NLRP5: variants seen among roughly 807,000 people sequenced by gnomAD.
NLRP5 encodes the protein NACHT, LRR and PYD domains-containing protein 5.
NLRP5 carries 93 observed loss-of-function variants against 113.1 expected under a neutral mutation model. That is an observed-to-expected ratio of 0.82 (90% CI 0.70 to 0.98). NLRP5 has a LOEUF of 0.98. Ranked by LOEUF, NLRP5 falls within the 50% of genes least tolerant of loss-of-function variation. The pLI, the probability that NLRP5 is intolerant of heterozygous loss-of-function variation, is 0.00. For synonymous variants in NLRP5, 751 were observed against 600.7 expected, an observed-to-expected ratio of 1.25 and a Z score of -3.66; for missense variants, 1,808 against 1,514.3, an observed-to-expected ratio of 1.19 and a Z score of -3.22.
rs1180675873 is a variant in NLRP5, at chr19:56,019,346, T to A, written c.570T>A (p.Ile190=). The A allele has an allele frequency of 3.7e-6, 6 of 1,613,928 alleles. No homozygotes were observed. Among genetic ancestry groups the A allele is most frequent in the Non-Finnish European group, 5.1e-6 (6 of 1,179,860 alleles). The change falls in exon 5 of 15, where the codon ATT becomes ATA. Residue 190 remains isoleucine, a synonymous_variant. Transcript: ENST00000390649. ...GAATTCATTCTTCTTTTGCAGAAAT[T>A]TCACAAGCTATGGAACAAGAAGGTG...
At chr19:56,012,614 T>C (rs1163449600) in intron 3 of NLRP5, among the ~76,000 whole-genome samples, 1 of 150,116 alleles carries the variant, frequency 6.7e-6, no homozygotes, top group East Asian at 1.9e-4. Context: ...GACAACAAGA[T>C]GGAGAAAATT....
chr19:56,053,793 T>C lies in NLRP5; in HGVS notation c.3284T>C (p.Val1095Ala). The C allele has an allele frequency of 1.2e-6, 2 of 1,613,746 alleles. No homozygotes were observed. The highest frequency in any genetic ancestry group is 1.7e-6 in the Non-Finnish European group (2 of 1,179,786). Reference sequence around the variant, plus strand: ...GAGGGACTGAAGCAAAAGAACAGTGTTCTGGCGAGACTCGGGTAACTTCCT... The same window carrying C: ...GAGGGACTGAAGCAAAAGAACAGTGCTCTGGCGAGACTCGGGTAACTTCCT... Residue 1095 changes from valine to alanine, a missense_variant, in exon 13 of 15, where the codon GTT (valine) becomes GCT (alanine). Coordinates refer to ENST00000390649, the MANE Select transcript of NLRP5 (RefSeq NM_153447.4).
chr19:56,050,282 AAAAAAAG>A, intron 11 of NLRP5, 129 bp from the exon 12 acceptor site: 1 of 747,086 alleles, frequency 1.3e-6, no homozygotes. Context: ...TCCTCAAAAA[AAAAAAAG>A]AAAAAAAAAC....
chr19:56,038,196 G>A lies in NLRP5; in HGVS notation c.2786+1G>A. On this transcript the variant is annotated splice_donor_variant, in intron 10 of 14. Transcript: ENST00000390649. LOFTEE classifies it high-confidence loss of function. ...CCCAGTGCGCCCTGCAGAAGCTGAT[G>A]TGAGTGCCACTTCCTTTCCACCAGG... 4 of 1,613,196 alleles carry A rather than the reference G, an allele frequency of 2.5e-6. No individual in the cohort carries two copies. Among genetic ancestry groups the A allele is most frequent in the Non-Finnish European group, 3.4e-6 (4 of 1,179,360 alleles).
intron 3 of NLRP5, among the ~76,000 whole-genome samples, chr19:56,011,189 T>G (rs1228512236): frequency 6.6e-6 from 1 of 151,488 alleles, no homozygotes; most frequent in Non-Finnish European, 1.5e-5. Context: ...TAATGTATGC[T>G]ACAAGATGGA....
At chr19:56,013,596 G>GT (rs71183002) in intron 3 of NLRP5, among the ~76,000 whole-genome samples, 1,344 of 59,270 alleles carry the variant, frequency 0.023, 136 homozygotes, top group Middle Eastern at 0.12. Context: ...GGACATTTGG[G>GT]TTTTTTTTTT....
intron 2 of NLRP5, among the ~76,000 whole-genome samples, chr19:56,005,107 A>AAATATATATATATATATATATATATATAT (rs1173746273): frequency 1.0e-5 from 1 of 95,344 alleles, no homozygotes; most frequent in African/African-American, 3.9e-5. Context: ...AAAAAAAAAA[A>AAATATATATATATATATATATATATATAT]ATATATATAT....
chr19:56,024,572 CA>C (rs1475448160), intron 6 of NLRP5, among the ~76,000 whole-genome samples: 3 of 130,200 alleles, frequency 2.3e-5, no homozygotes, highest in Non-Finnish European at 3.4e-5. Context: ...TATATATACA[CA>C]TATATATACA....
At chr19:56,054,260 AAAAG>A (rs1984043578) in intron 13 of NLRP5, among the ~76,000 whole-genome samples, 2 of 152,034 alleles carry the variant, frequency 1.3e-5, no homozygotes, top group African/African-American at 4.8e-5. Context: ...TTCAGCCATG[AAAAG>A]AAAAGTGCTG....
chr19:56,026,432 G>A (rs1982849099), intron 6 of NLRP5, among the ~76,000 whole-genome samples: 1 of 146,592 alleles, frequency 6.8e-6, no homozygotes. Context: ...GGAGGTTGAG[G>A]CAGGAGAATG....
At chr19:56,026,820 C>G (rs1347631834) in intron 6 of NLRP5, 93 bp from the exon 7 acceptor site, 11 of 1,308,042 alleles carry the variant, frequency 8.4e-6, no homozygotes, top group African/African-American at 1.5e-5. Context: ...AGGTGATATG[C>G]CCATCTTGAC....
chr19:56,002,359 T>G (rs1015908124), intron 1 of NLRP5, among the ~76,000 whole-genome samples: 5 of 152,178 alleles, frequency 3.3e-5, no homozygotes, highest in African/African-American at 1.2e-4. Context: ...TTACTGTGTT[T>G]ATGGAACCTG....
At chr19:56,051,607 A>G (rs1018769997) in intron 12 of NLRP5, among the ~76,000 whole-genome samples, 8 of 152,350 alleles carry the variant, frequency 5.3e-5, no homozygotes, top group Non-Finnish European at 1.0e-4. Flanking sequence ...TGAACTCCCA[A>G]GAAACCAAAA....
chr19:56,051,576 C>A (rs950546153), intron 12 of NLRP5, among the ~76,000 whole-genome samples: 1 of 152,166 alleles, frequency 6.6e-6, no homozygotes, highest in Non-Finnish European at 1.5e-5. Context: ...CACCACCCCC[C>A]CATCATATCC....
the NLRP5 span, among the ~76,000 whole-genome samples, chr19:55,990,417 A>G: frequency 6.6e-6 from 1 of 152,098 alleles, no homozygotes; most frequent in African/African-American, 2.4e-5. Flanking sequence ...TAGGCTGGGC[A>G]CAGTGGCTCA....
intron 1 of NLRP5, among the ~76,000 whole-genome samples, chr19:56,003,218 C>A (rs397470): frequency 0.39 from 59,047 of 152,074 alleles, 11,719 homozygotes; most frequent in East Asian, 0.6. Context: ...ATGATGCAGT[C>A]TTGGCTCACT....
chr19:56,043,925 TC>T (rs1488417883), intron 11 of NLRP5, among the ~76,000 whole-genome samples: 2 of 151,902 alleles, frequency 1.3e-5, no homozygotes, highest in Non-Finnish European at 1.5e-5. Flanking sequence ...TTCAATTAGG[TC>T]CCAGCTATTT....
upstream of NLRP5, among the ~76,000 whole-genome samples, chr19:55,995,858 T>G (rs1213016837): frequency 6.6e-6 from 1 of 152,018 alleles, no homozygotes; most frequent in African/African-American, 2.4e-5. Context: ...ATTGCTTTCT[T>G]TTTCAGCTAG....
rs545081667 is a variant in NLRP5 at position 56,046,858 on chromosome 19, G to T, written c.2958-3560G>T. ...CCACTTCTTCTTTGAACGTCTGGTA[G>T]AATTCTGTGAATCCGTCTGGTCCTG... is the stretch of plus-strand genomic sequence containing the variant. On this transcript the variant is annotated intron_variant, in intron 11 of 14. Transcript: ENST00000390649. 7.2e-5 allele frequency among the ~76,000 whole-genome samples: 11 copies of T among 152,310 alleles called. No homozygotes were observed. In the South Asian group the frequency reaches 2.3e-3, roughly 32 times the overall value.
Sources: gnomAD v4.1 joint callset for allele counts (sites outside exome capture counted in the v4.1 genomes callset) on GRCh38, gnomAD v4.1.1 for gene constraint, MANE v1.5 for transcripts, NCBI Gene and HGNC (gene_info 2026-07-23, HGNC 2026-07-21) for gene names.